CDC14A: variants seen among roughly 807,000 people sequenced by gnomAD.
CDC14A encodes the protein dual specificity protein phosphatase CDC14A.
A neutral mutation model predicts 74.4 loss-of-function variants in CDC14A; 53 were observed. The ratio of observed to expected loss-of-function variants is 0.71; its 90% CI spans 0.57 to 0.89. The LOEUF is 0.89. Among genes scored for constraint, CDC14A ranks in the 40% least tolerant of loss-of-function variants. CDC14A has a pLI of 0.00. For missense variants in CDC14A, 646 were observed against 713.7 expected (o/e 0.91, Z 1.08); for synonymous variants, 247 against 258.4 (o/e 0.96, Z 0.43).
At chr1:100,393,171 C>G in intron 4 of CDC14A, 5 of 1,583,086 alleles carry the variant, frequency 3.2e-6, no homozygotes, top group Non-Finnish European at 4.3e-6. Context: ...CTCCATTTCT[C>G]TCAATTTAGA....
At chr1:100,395,142 T>G (rs1388394531) in intron 4 of CDC14A, among the ~76,000 whole-genome samples, 1 of 152,224 alleles carries the variant, frequency 6.6e-6, no homozygotes. Flanking sequence ...CTAATAAAAG[T>G]ATTTTGTACT....
At chr1:100,346,318 C>T (rs1203594407) in intron 1 of CDC14A, among the ~76,000 whole-genome samples, 1 of 152,104 alleles carries the variant, frequency 6.6e-6, no homozygotes, top group Non-Finnish European at 1.5e-5. Context: ...AAAATGTTCA[C>T]TTATTTTTTC....
chr1:100,417,224 T>C (rs775632385), intron 4 of CDC14A, among the ~76,000 whole-genome samples: 1 of 152,148 alleles, frequency 6.6e-6, no homozygotes, highest in Non-Finnish European at 1.5e-5. Flanking sequence ...GGAGGTGGCA[T>C]CTAAACACTG....
chr1:100,357,644 C>T (rs947403645), intron 2 of CDC14A, among the ~76,000 whole-genome samples: 1 of 151,174 alleles, frequency 6.6e-6, no homozygotes, highest in Non-Finnish European at 1.5e-5. Context: ...GCTTGTAGTC[C>T]CAGCTACTCT....
intron 4 of CDC14A, 34 bp from the exon 5 acceptor site, chr1:100,424,188 G>A: frequency 6.8e-7 from 1 of 1,481,218 alleles, no homozygotes; most frequent in South Asian, 1.1e-5. Flanking sequence ...TGTCATTCTT[G>A]GGTGTTCTAA....
intron 10 of CDC14A, among the ~76,000 whole-genome samples, chr1:100,476,500 G>A (rs1668914376): frequency 6.6e-6 from 1 of 152,032 alleles, no homozygotes; most frequent in South Asian, 2.1e-4. Context: ...TCAGCCCTAA[G>A]ACTAGGCTAT....
upstream of CDC14A, among the ~76,000 whole-genome samples, chr1:100,351,061 G>C (rs1001756829): frequency 1.3e-5 from 2 of 152,186 alleles, no homozygotes; most frequent in African/African-American, 4.8e-5. Context: ...GGGTGTGGTG[G>C]CGCACGCCTG....
At chr1:100,429,840 T>C (rs1181276743) in intron 5 of CDC14A, among the ~76,000 whole-genome samples, 1 of 151,512 alleles carries the variant, frequency 6.6e-6, no homozygotes, top group Non-Finnish European at 1.5e-5. Context: ...AAATTTCTGT[T>C]TTAAAGATTC....
chr1:100,362,849 G>C (rs1421998188), intron 2 of CDC14A, among the ~76,000 whole-genome samples: 18 of 152,110 alleles, frequency 1.2e-4, no homozygotes, highest in Admixed American at 1.2e-3. Context: ...TCATCTCATC[G>C]AAGATTAACA....
At chr1:100,461,120 T>TG (rs1226353571) in intron 8 of CDC14A, among the ~76,000 whole-genome samples, 3 of 152,204 alleles carry the variant, frequency 2.0e-5, no homozygotes, top group African/African-American at 4.8e-5. Context: ...CCTTTAAGGC[T>TG]GGGGGGACAA....
intron 7 of CDC14A, among the ~76,000 whole-genome samples, chr1:100,452,233 C>T (rs116131068): frequency 0.029 from 4,416 of 152,038 alleles, 71 homozygotes; most frequent in Non-Finnish European, 0.04. Context: ...AAAAATTGGC[C>T]GGGTGCAGTG....
chr1:100,498,100 G>A lies in CDC14A; in HGVS notation c.1314G>A (p.Leu438=). 4 of 1,613,868 alleles carry A rather than the reference G, an allele frequency of 2.5e-6. No homozygotes were observed. Among genetic ancestry groups the A allele is most frequent in the Non-Finnish European group, 3.4e-6 (4 of 1,179,910 alleles). ...VSQPFRLSSS[L]QGSAVTLKTS... ...CTCCGCAAAGATTAAGTTCATCCCT[G>A]CAAGGATCTGCAGTTACTTTGAAGA... Residue 438 remains leucine (L), a synonymous_variant, in exon 14 of 16, where the codon CTG becomes CTA. Transcript: ENST00000336454.
intron 5 of CDC14A, among the ~76,000 whole-genome samples, chr1:100,437,915 A>G (rs1664524389): frequency 6.6e-6 from 1 of 151,850 alleles, no homozygotes; most frequent in South Asian, 2.1e-4. Flanking sequence ...ACCCCCTTTT[A>G]AAAAACGTAA....
At chr1:100,414,264 G>A (rs768899935) in intron 4 of CDC14A, among the ~76,000 whole-genome samples, 2 of 151,562 alleles carry the variant, frequency 1.3e-5, no homozygotes, top group Admixed American at 6.6e-5. Flanking sequence ...CCAGGAGTTC[G>A]AGACCAGCGT....
At chr1:100,474,022 C>T (rs537475371) in intron 10 of CDC14A, among the ~76,000 whole-genome samples, 1 of 152,192 alleles carries the variant, frequency 6.6e-6, no homozygotes, top group African/African-American at 2.4e-5. Flanking sequence ...GGCGGTTCCC[C>T]TCTATTTCTG....
chr1:100,509,980 T>C (rs1571364083), intron 15 of CDC14A, among the ~76,000 whole-genome samples: 1 of 152,228 alleles, frequency 6.6e-6, no homozygotes, highest in South Asian at 2.1e-4. Flanking sequence ...CATTACTTAC[T>C]CTCTGGTAGC....
intron 7 of CDC14A, among the ~76,000 whole-genome samples, chr1:100,449,647 G>T (rs933412814): frequency 6.6e-6 from 1 of 152,140 alleles, no homozygotes; most frequent in African/African-American, 2.4e-5. Flanking sequence ...AGCCTTGTGT[G>T]GTACTCTGTT....
At chr1:100,478,050 A>G (rs1041081813) in intron 10 of CDC14A, among the ~76,000 whole-genome samples, 1 of 152,126 alleles carries the variant, frequency 6.6e-6, no homozygotes, top group Non-Finnish European at 1.5e-5. Flanking sequence ...CTGAAATTTT[A>G]TATTTAAACT....
chr1:100,492,153 G>A (rs1670770898), intron 11 of CDC14A, among the ~76,000 whole-genome samples: 1 of 152,134 alleles, frequency 6.6e-6, no homozygotes, highest in Non-Finnish European at 1.5e-5. Context: ...ACAATAGAAT[G>A]AGAGAAAAAT....
Sources: allele counts gnomAD v4.1 joint callset (sites outside exome capture counted in the v4.1 genomes callset), GRCh38; gene constraint gnomAD v4.1.1; transcripts MANE v1.5; gene names NCBI Gene and HGNC (gene_info 2026-07-23, HGNC 2026-07-21).